Variants in TNPO1 observed in about 807,000 individuals in gnomAD.
The protein encoded by TNPO1 is transportin 1.
Under a neutral mutation model 119.5 loss-of-function variants are expected in TNPO1, and 8 were observed. The observed-to-expected ratio is 0.07, with a 90% CI of 0.04 to 0.12. TNPO1 has a LOEUF of 0.12. TNPO1 is among the 10% of genes least tolerant of loss of function. TNPO1 has a pLI of 1.00. For synonymous variants in TNPO1, 362 were observed against 363.0 expected (o/e 1.00, Z 0.03); for missense variants, 576 against 1,089.8 (o/e 0.53, Z 6.64).
intron 1 of TNPO1, among the ~76,000 whole-genome samples, chr5:72,823,356 C>T (rs1316931124): frequency 6.6e-6 from 1 of 152,144 alleles, no homozygotes; most frequent in African/African-American, 2.4e-5. Context: ...CAAACCCTGG[C>T]CTCTCACTTC....
chr5:72,848,829 C>T (rs1425110472), intron 2 of TNPO1, among the ~76,000 whole-genome samples: 1 of 150,112 alleles, frequency 6.7e-6, no homozygotes, highest in East Asian at 2.0e-4. Flanking sequence ...CCCCGCCCGC[C>T]GCTGACCTGC....
intron 1 of TNPO1, among the ~76,000 whole-genome samples, chr5:72,823,915 T>C (rs1312039836): frequency 1.3e-5 from 2 of 152,216 alleles, no homozygotes; most frequent in Non-Finnish European, 2.9e-5. Context: ...TTTCATATCT[T>C]ATTTTCCCCA....
intron 6 of TNPO1, among the ~76,000 whole-genome samples, chr5:72,868,542 T>TG (rs1413354662): frequency 6.6e-6 from 1 of 152,048 alleles, no homozygotes; most frequent in African/African-American, 2.4e-5. Context: ...AACTTTTTCT[T>TG]GCTGTCACAT....
chr5:72,887,028 T>G (rs1748703251), intron 11 of TNPO1, 42 bp from the exon 12 acceptor site: 1 of 1,545,160 alleles, frequency 6.5e-7, no homozygotes, highest in East Asian at 2.3e-5. Flanking sequence ...ATATAAGTAA[T>G]AAGAGGTTAA....
At chr5:72,877,415 T>C (rs1037215770) in intron 9 of TNPO1, 69 bp downstream of exon 9, 6 of 776,898 alleles carry the variant, frequency 7.7e-6, no homozygotes, top group Non-Finnish European at 1.2e-5. Flanking sequence ...TTTTCATATT[T>C]TTATAAAATT....
chr5:72,833,160 C>T (rs1744552023), intron 1 of TNPO1, among the ~76,000 whole-genome samples: 1 of 151,894 alleles, frequency 6.6e-6, no homozygotes, highest in African/African-American at 2.4e-5. Flanking sequence ...AGTTATTCCC[C>T]CTCTTGAAAA....
chr5:72,852,339 G>T (rs1745646206), intron 3 of TNPO1, among the ~76,000 whole-genome samples: 1 of 152,116 alleles, frequency 6.6e-6, no homozygotes, highest in Non-Finnish European at 1.5e-5. Context: ...CGCCATCTCT[G>T]CCATGCAATT....
chr5:72,861,793 G>A lies in TNPO1; in HGVS notation c.356-15G>A. 1 of 1,577,572 alleles carries A rather than the reference G, an allele frequency of 6.3e-7. No homozygotes were observed. The highest frequency in any genetic ancestry group is 8.7e-7 in the Non-Finnish European group (1 of 1,147,248). On this transcript the variant is annotated splice_polypyrimidine_tract_variant and intron_variant, in intron 4 of 24. Transcript: ENST00000337273. ...ATGCTGTTGGATTTCCTAAAGAAGTGTGTTTTTGTTCAAGGTATTTTGATC... is the reference window on the plus strand; with the variant it reads ...ATGCTGTTGGATTTCCTAAAGAAGTATGTTTTTGTTCAAGGTATTTTGATC...
At chr5:72,899,589 G>T (rs1264890092) in intron 20 of TNPO1, among the ~76,000 whole-genome samples, 2 of 152,014 alleles carry the variant, frequency 1.3e-5, no homozygotes, top group Non-Finnish European at 2.9e-5. Context: ...ATTTTCTCAT[G>T]AAAAAAACTA....
chr5:72,828,615 G>A (rs1403563323), intron 1 of TNPO1, among the ~76,000 whole-genome samples: 1 of 152,060 alleles, frequency 6.6e-6, no homozygotes, highest in Non-Finnish European at 1.5e-5. Context: ...TATCCTGAGA[G>A]CCAGGATATT....
intron 11 of TNPO1, among the ~76,000 whole-genome samples, chr5:72,885,743 GTTT>G (rs34593186): frequency 1.8e-3 from 248 of 136,142 alleles, no homozygotes; most frequent in African/African-American, 4.4e-3. Flanking sequence ...GTTTGGTTTG[GTTT>G]TTTTTTTTTT....
chr5:72,822,590 CTT>C (rs766069525), intron 1 of TNPO1, among the ~76,000 whole-genome samples: 21 of 132,854 alleles, frequency 1.6e-4, no homozygotes, highest in East Asian at 2.2e-4. Flanking sequence ...AAGTTCTACA[CTT>C]TTTTTTTTTT....
At chr5:72,850,898 A>G (rs1237265222) in intron 2 of TNPO1, among the ~76,000 whole-genome samples, 1 of 152,042 alleles carries the variant, frequency 6.6e-6, no homozygotes, top group East Asian at 1.9e-4. Flanking sequence ...TATTTTTGTC[A>G]TTTTATGCTT....
chr5:72,903,787 A>T lies in TNPO1; in HGVS notation c.2589+4A>T. On this transcript the variant is annotated splice_donor_region_variant and intron_variant, in intron 23 of 24. Transcript: ENST00000337273. ...TCTCAGAGACATGTTCTGTAAGGTA[A>T]CTAATAAGTCTTTATAATGCATCAT... 6.3e-7 allele frequency: 1 copy of T among 1,585,588 alleles called. No individual in the cohort carries two copies. The highest frequency in any genetic ancestry group is 8.6e-7 in the Non-Finnish European group (1 of 1,159,032).
At position 72,882,549 on chromosome 5, in the gene TNPO1, A is replaced by G. The variant is rs752481005; in HGVS notation, c.981+22A>G. ...TAAGGTAAGGAAGCTTTTTTGATGA[A>G]TAGGGAACAAGATTTTTATATTGAC... is the stretch of plus-strand genomic sequence containing the variant. On this transcript the variant is annotated intron_variant, in intron 10 of 24. Transcript: ENST00000337273. 3 of 1,558,432 alleles carry G rather than the reference A, an allele frequency of 1.9e-6. No homozygotes were observed. In the South Asian group the frequency reaches 3.5e-5, roughly 18 times the overall value.
At chr5:72,891,018 CA>C (rs1440660944) in intron 14 of TNPO1, among the ~76,000 whole-genome samples, 1 of 151,970 alleles carries the variant, frequency 6.6e-6, no homozygotes, top group Non-Finnish European at 1.5e-5. Flanking sequence ...CATTCCTGGC[CA>C]ACTTTTTGTA....
chr5:72,883,857 A>G (rs1748430076), intron 11 of TNPO1, among the ~76,000 whole-genome samples: 1 of 151,290 alleles, frequency 6.6e-6, no homozygotes. Flanking sequence ...TGATCCTCCC[A>G]CCTCAGCTCC....
At chr5:72,893,096 A>AG (rs766793400) in intron 15 of TNPO1, 43 bp from the exon 16 acceptor site, 82 of 1,450,438 alleles carry the variant, frequency 5.7e-5, no homozygotes, top group Non-Finnish European at 7.4e-5. Flanking sequence ...CATAATCTTC[A>AG]GTATACCCAG....
Position 72,848,373 on chromosome 5 carries a change from CTT to C in TNPO1, c.16-10_16-9del, listed in dbSNP as rs747113331. 6.0e-5 allele frequency: 97 copies of C among 1,608,962 alleles called. No homozygotes were observed. The highest frequency in any genetic ancestry group is 5.4e-5 in the Non-Finnish European group (64 of 1,177,172). On this transcript the variant is annotated splice_polypyrimidine_tract_variant and intron_variant, in intron 1 of 24. Transcript: ENST00000337273. ...TTGCTCCGTCTCTTCCTGTGTCTGGCTTTATTTGCAGCAAACCAAGATGGAGT... is the reference window on the plus strand; with the variant it reads ...TTGCTCCGTCTCTTCCTGTGTCTGGCTATTTGCAGCAAACCAAGATGGAGT...
Sources: gnomAD v4.1 joint callset for allele counts (sites outside exome capture counted in the v4.1 genomes callset) on GRCh38, gnomAD v4.1.1 for gene constraint, MANE v1.5 for transcripts, NCBI Gene and HGNC (gene_info 2026-07-23, HGNC 2026-07-21) for gene names.